Variants in BCL11A observed in about 807,000 individuals in gnomAD.
BCL11A encodes BCL11 transcription factor A.
Under a neutral mutation model 55.9 loss-of-function variants are expected in BCL11A, and 2 were observed. That is an observed-to-expected ratio of 0.04 (90% confidence interval 0.01 to 0.11). BCL11A has a LOEUF of 0.11. Among genes scored for constraint, BCL11A ranks in the 10% least tolerant of loss-of-function variants. The probability of loss-of-function intolerance (pLI) is 1.00; values close to 1 mark genes in which losing one functional copy is unlikely to be tolerated. For synonymous variants in BCL11A, 465 were observed against 473.4 expected (o/e 0.98, Z 0.23); for missense variants, 817 against 1,137.1 (o/e 0.72, Z 4.05).
chr2:60,461,515 A>G lies in BCL11A; in HGVS notation c.1397T>C (p.Val466Ala), dbSNP rs1372191646. The change falls in exon 4 of 4, where the codon GTG becomes GCG. Residue 466 changes from valine (V) to alanine (A), a missense_variant. Val to Ala is a moderately conservative substitution (Grantham distance 64). Around this residue, in one of 4 missense-constraint regions of BCL11A, gnomAD observed 379 missense variants for 425.3 expected, o/e 0.89. Coordinates refer to ENST00000642384, the MANE Select transcript of BCL11A (RefSeq NM_022893.4). ...GTTCTCGCTCTTGAACTTGGCCACC[A>G]CGGACTTGAGCGCGCTGCTGGCGCT... Reference protein sequence around the residue: ...VGSASSALKSVVAKFKSENDP... With the variant: ...VGSASSALKSAVAKFKSENDP... The G allele has an allele frequency of 6.2e-7, 1 of 1,607,282 alleles. No individual in the cohort carries two copies. The highest frequency in any genetic ancestry group is 2.2e-5 in the East Asian group (1 of 44,858).
chr2:60,480,355 T>TA (rs1677881155), intron 2 of BCL11A, among the ~76,000 whole-genome samples: 1 of 152,242 alleles, frequency 6.6e-6, no homozygotes. Context: ...CTCAGTGGTC[T>TA]ACCTCTGACT....
intron 2 of BCL11A, among the ~76,000 whole-genome samples, chr2:60,491,167 C>T (rs975644053): frequency 6.6e-6 from 1 of 152,218 alleles, no homozygotes; most frequent in Non-Finnish European, 1.5e-5. Context: ...CTATAGCTGA[C>T]TTTCAACCAT....
intron 2 of BCL11A, among the ~76,000 whole-genome samples, chr2:60,486,523 C>T (rs1326653363): frequency 1.3e-5 from 2 of 152,342 alleles, no homozygotes; most frequent in Non-Finnish European, 2.9e-5. Flanking sequence ...AAAATGGCTA[C>T]ATCAGGCCCA....
chr2:60,467,626 A>G (rs1183691783), intron 3 of BCL11A, among the ~76,000 whole-genome samples: 355 of 8,614 alleles, frequency 0.041, no homozygotes, highest in Middle Eastern at 0.071. Flanking sequence ...TGGTGGTGGT[A>G]ATGGTGGTGG....
intron 2 of BCL11A, among the ~76,000 whole-genome samples, chr2:60,518,704 T>A (rs1244094615): frequency 1.3e-5 from 2 of 152,100 alleles, no homozygotes; most frequent in Non-Finnish European, 2.9e-5. Flanking sequence ...ATCATCAGAG[T>A]TCACTTAAAA....
In BCL11A at chr2:60,546,357, G is replaced by C; in HGVS notation, c.56-57C>G. On this transcript the variant is annotated intron_variant, in intron 1 of 3. Coordinates refer to ENST00000642384, the MANE Select transcript of BCL11A (RefSeq NM_022893.4). The surrounding 1 kb of genome is among the most constrained non-coding windows in gnomAD (Gnocchi z 4.1). ...AGAGTGCCAGAGAGGACAGAAAGGG[G>C]AGAAGCACATCTCAACCCCATGCCA... The C allele has an allele frequency of 3.4e-6, 5 of 1,474,814 alleles. No individual in the cohort carries two copies. The highest frequency in any genetic ancestry group is 4.7e-6 in the Non-Finnish European group (5 of 1,071,116). 91.4% of individuals were successfully genotyped at this position (1,474,814 alleles called of 1,614,324 possible). A position where few individuals can be genotyped will look rare whatever the true frequency, so the allele number is the denominator to read the frequency against.
At chr2:60,551,058 T>C (rs1450590723) in intron 1 of BCL11A, 11 of 396,908 alleles carry the variant, frequency 2.8e-5, no homozygotes, top group African/African-American at 1.6e-4. Flanking sequence ...AGTGAAAAAT[T>C]AAATTCCCTG....
At chr2:60,549,896 T>C (rs1234774033) in intron 1 of BCL11A, 1 of 152,360 alleles carries the variant, frequency 6.6e-6, no homozygotes, top group African/African-American at 2.4e-5. Context: ...CCCGCAATTC[T>C]GGGCACTGGG....
At chr2:60,538,329 G>A (rs1002170490) in intron 2 of BCL11A, 4 of 152,214 alleles carry the variant, frequency 2.6e-5, no homozygotes, top group Non-Finnish European at 5.9e-5. Context: ...TGCCTTAGAG[G>A]AGCAACCTGT....
chr2:60,496,221 C>T (rs778923338), intron 2 of BCL11A, among the ~76,000 whole-genome samples: 5 of 152,202 alleles, frequency 3.3e-5, no homozygotes. Flanking sequence ...ATGACTTAAG[C>T]AATGGAAGTC....
chr2:60,475,633 C>T (rs1677551018), intron 2 of BCL11A, among the ~76,000 whole-genome samples: 1 of 152,190 alleles, frequency 6.6e-6, no homozygotes, highest in Non-Finnish European at 1.5e-5. Context: ...CTCCAAATTT[C>T]CCCTCTTTCT....
chr2:60,541,787 G>C, intron 2 of BCL11A: 1 of 572,280 alleles, frequency 1.7e-6, no homozygotes, highest in Non-Finnish European at 3.1e-6. Flanking sequence ...ATTCACTTCA[G>C]AAGTCAGTCG....
rs886675800 is a variant in BCL11A at position 60,552,421 on chromosome 2, TCGGCGG to T, written c.55+789_55+794del. Among the ~76,000 whole-genome samples the T allele has an allele frequency of 1.2e-4, 18 of 151,624 alleles. No individual in the cohort carries two copies. In the East Asian group the frequency reaches 2.4e-3, roughly 20 times the overall value. ...CTCCCCCGGCCCTAGCTCCTGCCCTTCGGCGGCGGCGGCGGCGGCGGCGCGGGAGGG... is the reference window on the plus strand; with the variant it reads ...CTCCCCCGGCCCTAGCTCCTGCCCTTCGGCGGCGGCGGCGGCGCGGGAGGG... On this transcript the variant is annotated intron_variant, in intron 1 of 3. Transcript: ENST00000642384.
chr2:60,547,069 C>G (rs1266364191), intron 1 of BCL11A, among the ~76,000 whole-genome samples: 1 of 152,142 alleles, frequency 6.6e-6, no homozygotes, highest in Non-Finnish European at 1.5e-5. Context: ...AAATGGGATA[C>G]TTTTGAGTAC....
intron 2 of BCL11A, among the ~76,000 whole-genome samples, chr2:60,528,717 C>T (rs999388199): frequency 3.9e-5 from 6 of 152,140 alleles, no homozygotes; most frequent in Admixed American, 6.5e-5. Flanking sequence ...CCTTGATGAA[C>T]CCCAATTTCC....
At chr2:60,513,893 G>C (rs143752930) in intron 2 of BCL11A, among the ~76,000 whole-genome samples, 490 of 152,334 alleles carry the variant, frequency 3.2e-3, no homozygotes, top group African/African-American at 0.011. Context: ...CCTCCATGAA[G>C]AGAAGCTGTT....
intron 2 of BCL11A, among the ~76,000 whole-genome samples, chr2:60,539,501 T>C (rs1300729569): frequency 6.6e-6 from 1 of 152,144 alleles, no homozygotes; most frequent in Non-Finnish European, 1.5e-5. Flanking sequence ...TAAAAATGCA[T>C]AGGGAGTGCA....
chr2:60,455,623 A>G (rs1268960394), downstream of BCL11A, among the ~76,000 whole-genome samples: 1 of 152,240 alleles, frequency 6.6e-6, no homozygotes, highest in East Asian at 1.9e-4. Flanking sequence ...ATTTGAACAG[A>G]CAAGTGTACA....
At position 60,460,327 on chromosome 2, in the gene BCL11A, G is replaced by T; in HGVS notation, c.*77C>A. 6.5e-7 allele frequency: 1 copy of T among 1,527,384 alleles called. No homozygotes were observed. The highest frequency in any genetic ancestry group is 2.3e-5 in the East Asian group (1 of 43,936). The allele number at this position is 1,527,384 out of a possible 1,614,324, so 94.6% of individuals were successfully genotyped here. On this transcript the variant is annotated 3_prime_UTR_variant, in exon 4 of 4. Transcript: ENST00000642384. Reference sequence around the variant, plus strand: ...AGAAAAAAATCCTACAGGGAGTGGGGCTGGAGGGCGATGGGGAAGGGGAGT... The same window carrying T: ...AGAAAAAAATCCTACAGGGAGTGGGTCTGGAGGGCGATGGGGAAGGGGAGT...
Sources: allele counts gnomAD v4.1 joint callset (sites outside exome capture counted in the v4.1 genomes callset), GRCh38; gene constraint gnomAD v4.1.1; regional missense constraint gnomAD v4.1.1; non-coding constraint Gnocchi (gnomAD v3.1); transcripts MANE v1.5; gene names NCBI Gene and HGNC (gene_info 2026-07-23, HGNC 2026-07-21).